Variants in YTHDC2 observed in about 807,000 individuals in gnomAD.
YTHDC2 encodes the protein 3'-5' RNA helicase YTHDC2.
In YTHDC2, 45 loss-of-function variants were observed where a neutral mutation model predicts 174.9. That is an observed-to-expected ratio of 0.26 (90% confidence interval 0.20 to 0.33). The LOEUF is 0.33. Ranked by LOEUF, YTHDC2 falls within the 10% of genes least tolerant of loss-of-function variation. YTHDC2 has a pLI of 1.00. For synonymous variants in YTHDC2, 657 were observed against 574.5 expected, an observed-to-expected ratio of 1.14 and a Z score of -2.05; for missense variants, 1,650 against 1,723.7, an observed-to-expected ratio of 0.96 and a Z score of 0.76.
intron 12 of YTHDC2, 41 bp from the exon 13 acceptor site, chr5:113,553,140 A>G: frequency 6.9e-7 from 1 of 1,447,230 alleles, no homozygotes; most frequent in Non-Finnish European, 9.0e-7. Flanking sequence ...ACTTTTGTTA[A>G]TGGAAATTGA....
intron 2 of YTHDC2, among the ~76,000 whole-genome samples, chr5:113,523,008 A>G (rs1773983915): frequency 6.6e-6 from 1 of 152,104 alleles, no homozygotes; most frequent in African/African-American, 2.4e-5. Context: ...TATATTAGGT[A>G]ACCTATGTTA....
At chr5:113,530,147 A>T (rs997237225) in intron 4 of YTHDC2, among the ~76,000 whole-genome samples, 23 of 152,204 alleles carry the variant, frequency 1.5e-4, no homozygotes, top group Non-Finnish European at 2.6e-4. Flanking sequence ...TGTTTAAAAA[A>T]TTCATCTGAA....
At chr5:113,524,411 C>A (rs748927306) in intron 2 of YTHDC2, among the ~76,000 whole-genome samples, 1 of 152,008 alleles carries the variant, frequency 6.6e-6, no homozygotes, top group Non-Finnish European at 1.5e-5. Flanking sequence ...AAGAGTAGAA[C>A]CAGAAGCTTT....
At chr5:113,528,179 A>C (rs1382651756) in intron 4 of YTHDC2, among the ~76,000 whole-genome samples, 2 of 152,202 alleles carry the variant, frequency 1.3e-5, no homozygotes, top group African/African-American at 4.8e-5. Flanking sequence ...AATGATATCT[A>C]TATATGAGAA....
chr5:113,583,212 T>A (rs745675550), intron 25 of YTHDC2: 1 of 152,178 alleles, frequency 6.6e-6, no homozygotes, highest in Non-Finnish European at 1.5e-5. Context: ...ACCACTTTGG[T>A]TATGTAAGGA....
At position 113,590,533 on chromosome 5, in the gene YTHDC2, G is replaced by A. The variant is rs142657923; in HGVS notation, c.3826-508G>A. 2.0e-3 allele frequency among the ~76,000 whole-genome samples: 301 copies of A among 152,212 alleles called. 1 individual carries two copies. Among genetic ancestry groups the A allele is most frequent in the Non-Finnish European group, 3.5e-3 (237 of 67,994 alleles). On this transcript the variant is annotated intron_variant, in intron 26 of 29. Coordinates refer to ENST00000161863, the MANE Select transcript of YTHDC2 (RefSeq NM_022828.5). ...GGTCAGCACTTAGCCAAAAACTTGT[G>A]GGAACCCCTCTGTGTTTCCTTTGGA...
intron 23 of YTHDC2, among the ~76,000 whole-genome samples, chr5:113,577,688 A>AC (rs1778143404): frequency 1.3e-5 from 2 of 152,126 alleles, no homozygotes; most frequent in Admixed American, 1.3e-4. Flanking sequence ...ATATTAATTT[A>AC]ATGTTTCCAT....
chr5:113,544,734 G>A (rs992266194), intron 10 of YTHDC2, among the ~76,000 whole-genome samples: 13 of 150,398 alleles, frequency 8.6e-5, no homozygotes, highest in Non-Finnish European at 1.3e-4. Flanking sequence ...TACTTCAACT[G>A]TTCTTTAATA....
intron 12 of YTHDC2, among the ~76,000 whole-genome samples, chr5:113,552,345 C>G (rs1776302503): frequency 6.6e-6 from 1 of 152,098 alleles, no homozygotes; most frequent in Non-Finnish European, 1.5e-5. Flanking sequence ...TCCGCCCCAA[C>G]TCTCCTAGGC....
At chr5:113,557,402 T>C (rs1428430295) in intron 17 of YTHDC2, among the ~76,000 whole-genome samples, 1 of 152,224 alleles carries the variant, frequency 6.6e-6, no homozygotes, top group Non-Finnish European at 1.5e-5. Context: ...CTTCATAGAA[T>C]GCCCATGAGG....
chr5:113,548,842 A>G, intron 11 of YTHDC2, 113 bp from the exon 12 acceptor site: 1 of 1,176,578 alleles, frequency 8.5e-7, no homozygotes, highest in South Asian at 2.1e-5. Context: ...AATTTATCTT[A>G]TTTTTTATTT....
rs114115257 is a variant in YTHDC2 at position 113,571,554 on chromosome 5, A to G, written c.3244+3705A>G. 2.9e-3 allele frequency among the ~76,000 whole-genome samples: 441 copies of G among 152,322 alleles called. 3 individuals carry two copies. The highest frequency in any genetic ancestry group is 9.9e-3 in the African/African-American group (411 of 41,580). ...TTGGAATAGTTTCAAAAGAAAGGGT[A>G]TCAGCTCTTCTATGTACTTCTGGTA... On this transcript the variant is annotated intron_variant, in intron 23 of 29. Coordinates refer to ENST00000161863, the MANE Select transcript of YTHDC2 (RefSeq NM_022828.5).
At chr5:113,580,699 T>C (rs746676800) in intron 24 of YTHDC2, among the ~76,000 whole-genome samples, 1 of 152,226 alleles carries the variant, frequency 6.6e-6, no homozygotes, top group Non-Finnish European at 1.5e-5. Flanking sequence ...CAGTCTGCTG[T>C]CTGGGATAAA....
intron 3 of YTHDC2, 53 bp downstream of exon 3, chr5:113,525,230 C>T (rs1774132470): frequency 3.7e-6 from 5 of 1,365,158 alleles, no homozygotes; most frequent in Middle Eastern, 1.9e-4. Flanking sequence ...GATGACTGTT[C>T]TTTTTCCATT....
At chr5:113,592,358 T>C in intron 28 of YTHDC2, 180 bp downstream of exon 28, 1 of 506,964 alleles carries the variant, frequency 2.0e-6, no homozygotes, top group Non-Finnish European at 3.3e-6. Flanking sequence ...GTCTGATTGC[T>C]CCTTGCAGTC....
chr5:113,526,964 A>G (rs1380379022), intron 4 of YTHDC2, among the ~76,000 whole-genome samples, 179 bp downstream of exon 4: 1 of 151,844 alleles, frequency 6.6e-6, no homozygotes. Context: ...CTACTGGAAT[A>G]TATTTGGAGA....
At chr5:113,589,425 ATATATATG>A (rs1423136660) in intron 26 of YTHDC2, among the ~76,000 whole-genome samples, 1 of 142,884 alleles carries the variant, frequency 7.0e-6, no homozygotes, top group Admixed American at 6.9e-5. Context: ...ATATATATAT[ATATATATG>A]TATATATATC....
intron 23 of YTHDC2, among the ~76,000 whole-genome samples, chr5:113,573,436 A>AT (rs955183752): frequency 2.0e-5 from 3 of 151,624 alleles, no homozygotes; most frequent in South Asian, 4.2e-4. Context: ...GAATCTGATG[A>AT]TTTTTTTGTC....
intron 2 of YTHDC2, among the ~76,000 whole-genome samples, chr5:113,522,792 A>G (rs916377945): frequency 6.6e-6 from 1 of 152,202 alleles, no homozygotes; most frequent in African/African-American, 2.4e-5. Flanking sequence ...CTTTTATGAT[A>G]TATCAGTGTC....
Sources: gnomAD v4.1 joint callset for allele counts (sites outside exome capture counted in the v4.1 genomes callset) on GRCh38, gnomAD v4.1.1 for gene constraint, MANE v1.5 for transcripts, NCBI Gene and HGNC (gene_info 2026-07-23, HGNC 2026-07-21) for gene names.